RPTN: variants seen among roughly 807,000 people sequenced by gnomAD.
The protein encoded by RPTN is intermediate filament-associated protein.
RPTN carries 4 observed loss-of-function variants against 3.6 expected under a neutral mutation model. The observed-to-expected ratio is 1.12, with a 90% CI of 0.55 to 2.55. RPTN has a LOEUF of 2.55. Among genes scored for constraint, RPTN ranks in the 30% most tolerant of loss-of-function variants. The pLI, the probability that RPTN is intolerant of heterozygous loss-of-function variation, is 0.02. For missense variants in RPTN, 860 were observed against 916.7 expected (o/e 0.94, Z 0.80); for synonymous variants, 293 against 319.3 (o/e 0.92, Z 0.88).
Position 152,155,088 on chromosome 1 carries a change from GTCTT to G in RPTN, c.2007_2010del (p.Glu669AspfsTer32), listed in dbSNP as rs1659166644. ...CAGTCTCTCCCTTTGTGACAAAGTG[GTCTT>G]TCTTGTTGGATTTGTGCTAAGAGTT... On this transcript the variant is annotated frameshift_variant, in exon 3 of 3. Transcript: ENST00000316073. LOFTEE classifies it low-confidence loss of function (END_TRUNC). 1.9e-6 allele frequency: 3 copies of G among 1,614,146 alleles called. No individual in the cohort carries two copies. Among genetic ancestry groups the G allele is most frequent in the Non-Finnish European group, 2.5e-6 (3 of 1,180,016 alleles).
rs760989818 is a variant in RPTN, at chr1:152,156,112, G to A, written c.987C>T (p.Ser329=). Residue 329 remains serine (S), a synonymous_variant, in exon 3 of 3, where the codon TCC becomes TCT. Coordinates refer to ENST00000316073, the MANE Select transcript of RPTN (RefSeq NM_001122965.1). ...YSQTDRQGQS[S]HYSQPDRQGQ... ...CTTGTCTGTCTGGCTGACTGTAGTG[G>A]GAACTCTGGCCTTGTCTGTCCGTCT... is the stretch of plus-strand genomic sequence containing the variant. 2.1e-4 allele frequency: 331 copies of A among 1,611,990 alleles called. No individual in the cohort carries two copies. Among genetic ancestry groups the A allele is most frequent in the Non-Finnish European group, 2.7e-4 (313 of 1,179,428 alleles).
chr1:152,158,773 A>C (rs909823381), intron 1 of RPTN, among the ~76,000 whole-genome samples: 1 of 152,188 alleles, frequency 6.6e-6, no homozygotes, highest in Non-Finnish European at 1.5e-5. Flanking sequence ...TAAGTGACAA[A>C]TAATGGATCA....
chr1:152,154,498 A>G lies in RPTN; in HGVS notation c.*246T>C. On this transcript the variant is annotated 3_prime_UTR_variant, in exon 3 of 3. Coordinates refer to ENST00000316073, the MANE Select transcript of RPTN (RefSeq NM_001122965.1). ...CAGTAGCTCCCTTGGCAGGGTGACC[A>G]CGCTGTTCTCTGGTTTGGGGCCTCC... 1.7e-6 allele frequency: 1 copy of G among 600,522 alleles called. No individual in the cohort carries two copies. The highest frequency in any genetic ancestry group is 2.9e-6 in the Non-Finnish European group (1 of 345,170). 37.2% of individuals were successfully genotyped at this position (600,522 alleles called of 1,614,324 possible).
intron 1 of RPTN, among the ~76,000 whole-genome samples, chr1:152,158,894 A>C (rs552870360): frequency 3.9e-5 from 6 of 152,308 alleles, no homozygotes; most frequent in Admixed American, 3.9e-4. Context: ...CCTAACTTGC[A>C]CAAAAAGTAA....
intron 1 of RPTN, among the ~76,000 whole-genome samples, 198 bp from the exon 2 acceptor site, chr1:152,158,107 G>A (rs1475090809): frequency 1.3e-5 from 2 of 152,026 alleles, no homozygotes; most frequent in Non-Finnish European, 2.9e-5. Context: ...GTGCAAACTT[G>A]GTTCCCTTGC....
In RPTN at chr1:152,155,198, T is replaced by C. The variant is rs1659169287; in HGVS notation, c.1901A>G (p.Gln634Arg). The C allele has an allele frequency of 6.2e-7, 1 of 1,614,122 alleles. No homozygotes were observed. Among genetic ancestry groups the C allele is most frequent in the Non-Finnish European group, 8.5e-7 (1 of 1,180,038 alleles). Residue 634 changes from glutamine to arginine, a missense_variant, in exon 3 of 3, where the codon CAG (glutamine) becomes CGG (arginine). Gln to Arg is a conservative substitution (Grantham distance 43, BLOSUM62 1). Transcript: ENST00000316073. Reference sequence around the variant, plus strand: ...CTGTGAGTCCCTAGACTGGAATCCCTGTCCCTGGTTTTGGTACCCTTCCTG... The same window carrying C: ...CTGTGAGTCCCTAGACTGGAATCCCCGTCCCTGGTTTTGGTACCCTTCCTG... The part of the protein sequence containing the change: ...PGQEGYQNQG[Q>R]GFQSRDSQQN...
In RPTN at chr1:152,154,212, A is replaced by C. The variant is rs1468372679; in HGVS notation, c.*532T>G. On this transcript the variant is annotated 3_prime_UTR_variant, in exon 3 of 3. Coordinates refer to ENST00000316073, the MANE Select transcript of RPTN (RefSeq NM_001122965.1). ...TCACCCAATTTACCACCTAGATTTCACTGAATCAGAAAACCCTAGAATTGC... is the reference window on the plus strand; with the variant it reads ...TCACCCAATTTACCACCTAGATTTCCCTGAATCAGAAAACCCTAGAATTGC... The C allele has an allele frequency of 6.3e-6, 1 of 159,162 alleles. No homozygotes were observed. Among genetic ancestry groups the C allele is most frequent in the Non-Finnish European group, 1.4e-5 (1 of 71,992 alleles). The allele number at this position is 159,162 out of a possible 1,614,324, so 9.9% of individuals were successfully genotyped here.
chr1:152,157,776 C>A lies in RPTN; in HGVS notation c.114G>T (p.Leu38Phe), dbSNP rs1228236062. Reference sequence around the variant, plus strand: ...CCTGGAGGATGTCTCCAAACTCAGCCAAGAGCAGTTGTTTCAACTCTTCCT... The same window carrying A: ...CCTGGAGGATGTCTCCAAACTCAGCAAAGAGCAGTTGTTTCAACTCTTCCT... The part of the protein sequence containing the change: ...LCKEELKQLL[L>F]AEFGDILQRP... Residue 38 changes from leucine (L) to phenylalanine (F), a missense_variant, in exon 2 of 3, where the codon TTG (leucine) becomes TTT (phenylalanine). Coordinates refer to ENST00000316073, the MANE Select transcript of RPTN (RefSeq NM_001122965.1). 1 of 1,613,926 alleles carries A rather than the reference C, an allele frequency of 6.2e-7. No individual in the cohort carries two copies. The highest frequency in any genetic ancestry group is 8.5e-7 in the Non-Finnish European group (1 of 1,179,924).
chr1:152,155,284 T>C lies in RPTN; in HGVS notation c.1815A>G (p.Arg605=), dbSNP rs761091454. 1.1e-5 allele frequency: 17 copies of C among 1,614,256 alleles called. No individual in the cohort carries two copies. The highest frequency in any genetic ancestry group is 1.4e-5 in the Non-Finnish European group (17 of 1,180,038). ...CTGATTGTTCAACATAAGAGGCTTT[T>C]CTTGTTCCTTCAGTCCCTTGGAAGT... ...NKYFQGTEGT[R]KASYVEQSGR... is the part of the protein sequence containing the mutation. Residue 605 remains arginine, a synonymous_variant, in exon 3 of 3, where the codon AGA becomes AGG. Coordinates refer to ENST00000316073, the MANE Select transcript of RPTN (RefSeq NM_001122965.1).
chr1:152,158,406 A>G (rs1659246605), intron 1 of RPTN, among the ~76,000 whole-genome samples: 1 of 152,214 alleles, frequency 6.6e-6, no homozygotes, highest in Non-Finnish European at 1.5e-5. Context: ...GTCTCTCTTC[A>G]CGGTCTAAGG....
chr1:152,157,096 G>A, intron 2 of RPTN, 136 bp from the exon 3 acceptor site: 3 of 737,808 alleles, frequency 4.1e-6, no homozygotes, highest in Non-Finnish European at 6.6e-6. Context: ...CTGAAGTGGT[G>A]TGGACTTGGC....
chr1:152,157,901 CG>C lies in RPTN; in HGVS notation c.-13del, dbSNP rs754106096. The C allele has an allele frequency of 7.4e-6, 12 of 1,613,084 alleles. No homozygotes were observed. The Admixed American group carries it at 2.0e-4, about 27-fold the overall frequency. Reference sequence around the variant, plus strand: ...AGGAGTTGAGCCATTTTGACAAGTACGGGTGAACCTAAAAGAAGAAACAAGA... The same window carrying C: ...AGGAGTTGAGCCATTTTGACAAGTACGGTGAACCTAAAAGAAGAAACAAGA... On this transcript the variant is annotated 5_prime_UTR_variant, in exon 2 of 3. Transcript: ENST00000316073.
At position 152,156,070 on chromosome 1, in the gene RPTN, A is replaced by G. The variant is rs1557824509; in HGVS notation, c.1029T>C (p.Tyr343=). 6.2e-7 allele frequency: 1 copy of G among 1,612,564 alleles called. No homozygotes were observed. Among genetic ancestry groups the G allele is most frequent in the Non-Finnish European group, 8.5e-7 (1 of 1,179,796 alleles). Residue 343 remains tyrosine, a synonymous_variant, in exon 3 of 3, where the codon TAT becomes TAC. Coordinates refer to ENST00000316073, the MANE Select transcript of RPTN (RefSeq NM_001122965.1). ...ACTGGCCTTTTCTGTCCATTTGACC[A>G]TAGTGGGAACTCTGACCTTGTCTGT... ...QPDRQGQSSH[Y]GQMDRKGQCY... is the part of the protein sequence containing the mutation.
At chr1:152,157,086 C>A in intron 2 of RPTN, 126 bp from the exon 3 acceptor site, 1 of 805,110 alleles carries the variant, frequency 1.2e-6, no homozygotes, top group Non-Finnish European at 2.0e-6. Context: ...AACCATTAAT[C>A]TGAAGTGGTG....
chr1:152,156,924 T>C lies in RPTN; in HGVS notation c.175A>G (p.Asn59Asp). 1 of 1,614,074 alleles carries C rather than the reference T, an allele frequency of 6.2e-7. No homozygotes were observed. Among genetic ancestry groups the C allele is most frequent in the Non-Finnish European group, 8.5e-7 (1 of 1,179,974 alleles). The change falls in exon 3 of 3, where the codon AAC becomes GAC. Residue 59 changes from asparagine (N) to aspartate (D), a missense_variant. Asn to Asp is a conservative substitution (Grantham distance 23). Transcript: ENST00000316073. ...CCATCTCGGTCTTGATCTAAGAGGT[T>C]CAAGATGGTTTCCACAGTCTCTGGG... Reference protein sequence around the residue: ...NDPETVETILNLLDQDRDGHI... With the variant: ...NDPETVETILDLLDQDRDGHI...
intron 1 of RPTN, 135 bp from the exon 2 acceptor site, chr1:152,158,044 C>T (rs1191952538): frequency 2.0e-5 from 13 of 664,838 alleles, no homozygotes; most frequent in Non-Finnish European, 2.8e-5. Flanking sequence ...TGTACCCCTT[C>T]CTTGCCCTGA....
chr1:152,155,261 G>GA lies in RPTN; in HGVS notation c.1837dup (p.Ser613PhefsTer27), dbSNP rs754844085. ...TTGACTTAGCCTCCCTGATCTTCCT[G>GA]ATTGTTCAACATAAGAGGCTTTTCT... On this transcript the variant is annotated frameshift_variant, in exon 3 of 3. Transcript: ENST00000316073. LOFTEE classifies it low-confidence loss of function (END_TRUNC). 1 of 1,614,226 alleles carries GA rather than the reference G, an allele frequency of 6.2e-7. No homozygotes were observed. Among genetic ancestry groups the GA allele is most frequent in the Non-Finnish European group, 8.5e-7 (1 of 1,180,052 alleles).
intron 2 of RPTN, among the ~76,000 whole-genome samples, chr1:152,157,323 T>A (rs1011417181): frequency 8.5e-5 from 13 of 152,238 alleles, no homozygotes; most frequent in Admixed American, 7.8e-4. Context: ...CTGATTTTAT[T>A]CATGTTTGTA....
In RPTN at chr1:152,156,315, T is replaced by C. The variant is rs767440294; in HGVS notation, c.784A>G (p.Thr262Ala). Residue 262 changes from threonine to alanine, a missense_variant, in exon 3 of 3, where the codon ACA (threonine) becomes GCA (alanine). Physicochemically the swap from Thr to Ala is moderately conservative, Grantham distance 58. Transcript: ENST00000316073. ...TLGQASHFNQTNQQKSGSYCG... is the reference protein window; with the variant it reads ...TLGQASHFNQANQQKSGSYCG... ...TAAGAGCCTGATTTCTGTTGATTTGTCTGGTTAAAGTGAGAGGCTTGTCCA... is the reference window on the plus strand; with the variant it reads ...TAAGAGCCTGATTTCTGTTGATTTGCCTGGTTAAAGTGAGAGGCTTGTCCA... The C allele has an allele frequency of 1.1e-5, 17 of 1,614,162 alleles. No individual in the cohort carries two copies. Among genetic ancestry groups the C allele is most frequent in the Non-Finnish European group, 1.4e-5 (17 of 1,180,054 alleles).
Sources: allele counts gnomAD v4.1 joint callset (sites outside exome capture counted in the v4.1 genomes callset), GRCh38; gene constraint gnomAD v4.1.1; transcripts MANE v1.5; gene names NCBI Gene and HGNC (gene_info 2026-07-23, HGNC 2026-07-21).